The following ATP6V1A variants were observed in gnomAD, a reference collection of about 807,000 sequenced individuals.
ATP6V1A encodes V-type proton ATPase catalytic subunit A.
Under a neutral mutation model 70.1 loss-of-function variants are expected in ATP6V1A, and 18 were observed. That is an observed-to-expected ratio of 0.26 (90% CI 0.18 to 0.38). The LOEUF (loss-of-function observed/expected upper bound fraction) is 0.38, where lower values mean the gene tolerates loss of function less well. Among genes scored for constraint, ATP6V1A ranks in the 10% least tolerant of loss-of-function variants. ATP6V1A has a pLI of 1.00. For missense variants in ATP6V1A, 424 were observed against 772.4 expected (o/e 0.55, Z 5.35); for synonymous variants, 232 against 253.8 (o/e 0.91, Z 0.82).
rs144978817 is a variant in ATP6V1A, at chr3:113,752,699, T to C, written c.-14+5586T>C. ...TTTTAAAAAGCAGAGTAAATCTCAG[T>C]ATATAAGATAATTTACCACATTTCA... On this transcript the variant is annotated intron_variant, in intron 1 of 14. Coordinates refer to ENST00000273398, the MANE Select transcript of ATP6V1A (RefSeq NM_001690.4). Among the ~76,000 whole-genome samples the C allele has an allele frequency of 5.9e-3, 893 of 152,144 alleles. 12 individuals are homozygous for C. The highest frequency in any genetic ancestry group is 0.02 in the African/African-American group (851 of 41,558).
chr3:113,748,154 G>T (rs1259877196), intron 1 of ATP6V1A, among the ~76,000 whole-genome samples: 1 of 152,092 alleles, frequency 6.6e-6, no homozygotes, highest in Non-Finnish European at 1.5e-5. Context: ...AACTCCCGGT[G>T]CCCTCTTCAG....
intron 1 of ATP6V1A, among the ~76,000 whole-genome samples, chr3:113,752,168 T>C (rs1054407630): frequency 6.6e-6 from 1 of 151,914 alleles, no homozygotes; most frequent in Non-Finnish European, 1.5e-5. Flanking sequence ...CTTATTTCAC[T>C]GAAAATAAAA....
At chr3:113,765,898 G>A (rs1708765125) in intron 1 of ATP6V1A, among the ~76,000 whole-genome samples, 2 of 152,070 alleles carry the variant, frequency 1.3e-5, no homozygotes, top group South Asian at 4.1e-4. Context: ...CTGCACTCCA[G>A]CCTGGGTGAT....
intron 11 of ATP6V1A, 66 bp from the exon 12 acceptor site, chr3:113,798,177 C>T (rs555316530): frequency 1.9e-5 from 29 of 1,536,076 alleles, no homozygotes; most frequent in Admixed American, 8.5e-5. Context: ...AAACATGCTT[C>T]GGTATTTTTT....
At chr3:113,761,604 C>T (rs1484958244) in intron 1 of ATP6V1A, among the ~76,000 whole-genome samples, 2 of 151,112 alleles carry the variant, frequency 1.3e-5, no homozygotes, top group Non-Finnish European at 2.9e-5. Flanking sequence ...GGCATGGAGG[C>T]ACATGCCTGT....
intron 5 of ATP6V1A, among the ~76,000 whole-genome samples, chr3:113,785,067 A>G (rs1457137599): frequency 1.3e-5 from 2 of 152,248 alleles, no homozygotes; most frequent in African/African-American, 4.8e-5. Context: ...ATATTAACTG[A>G]TGCTACATTT....
chr3:113,791,489 A>T (rs1709091714), intron 8 of ATP6V1A, among the ~76,000 whole-genome samples: 2 of 141,090 alleles, frequency 1.4e-5, no homozygotes, highest in East Asian at 2.1e-4. Flanking sequence ...CTTTTTCCTT[A>T]TTTTATTTTT....
chr3:113,800,639 AAG>A (rs1490696653), intron 12 of ATP6V1A, among the ~76,000 whole-genome samples: 1 of 152,252 alleles, frequency 6.6e-6, no homozygotes, highest in East Asian at 1.9e-4. Flanking sequence ...TTACGTGGGA[AAG>A]GTAAGACTTT....
At chr3:113,776,124 C>T (rs991033442) in intron 1 of ATP6V1A, among the ~76,000 whole-genome samples, 3 of 152,044 alleles carry the variant, frequency 2.0e-5, no homozygotes, top group African/African-American at 4.8e-5. Context: ...TTTGGGAGGC[C>T]GAGGCAGGCA....
chr3:113,802,346 T>C lies in ATP6V1A; in HGVS notation c.1495-1237T>C, dbSNP rs563872718. On this transcript the variant is annotated intron_variant, in intron 12 of 14. Transcript: ENST00000273398. ...GCTTATTTTTAATTAATTAATTTAT[T>C]TATTTGAGGGAGTCTCACACTGTCG... Among the ~76,000 whole-genome samples, 19 of 152,282 alleles carry C rather than the reference T, an allele frequency of 1.2e-4. No individual in the cohort carries two copies. The South Asian group carries it at 3.7e-3, about 30-fold the overall frequency.
intron 11 of ATP6V1A, among the ~76,000 whole-genome samples, chr3:113,796,753 A>C (rs1037817040): frequency 3.9e-5 from 6 of 152,226 alleles, no homozygotes; most frequent in Admixed American, 6.5e-5. Context: ...CTAAATGTAC[A>C]ACTCTCAAGC....
chr3:113,754,862 T>C (rs576688388), intron 1 of ATP6V1A, among the ~76,000 whole-genome samples: 1 of 152,350 alleles, frequency 6.6e-6, no homozygotes, highest in South Asian at 2.1e-4. Context: ...TTGATTTCTG[T>C]CCTTTTAAAA....
At chr3:113,757,477 A>C (rs769451981) in intron 1 of ATP6V1A, among the ~76,000 whole-genome samples, 1 of 152,258 alleles carries the variant, frequency 6.6e-6, no homozygotes, top group Non-Finnish European at 1.5e-5. Context: ...GTCTTGGACA[A>C]CAAACCCTTC....
chr3:113,803,452 G>T, intron 12 of ATP6V1A, 131 bp from the exon 13 acceptor site: 1 of 687,000 alleles, frequency 1.5e-6, no homozygotes, highest in East Asian at 2.6e-5. Context: ...CAATCAAAAA[G>T]CCGTTATAAG....
chr3:113,809,082 C>G (rs556854430), intron 14 of ATP6V1A, among the ~76,000 whole-genome samples: 38 of 146,010 alleles, frequency 2.6e-4, no homozygotes, highest in Non-Finnish European at 3.0e-4. Flanking sequence ...AAACCTGTCT[C>G]TACTAAAAAT....
intron 12 of ATP6V1A, among the ~76,000 whole-genome samples, chr3:113,798,728 A>G (rs1709179344): frequency 6.6e-6 from 1 of 152,224 alleles, no homozygotes; most frequent in Non-Finnish European, 1.5e-5. Flanking sequence ...ACATTTTTGT[A>G]GGAATGCTAG....
At chr3:113,801,001 A>G (rs1251102433) in intron 12 of ATP6V1A, 2 of 152,056 alleles carry the variant, frequency 1.3e-5, no homozygotes, top group Non-Finnish European at 2.9e-5. Context: ...CAAAAAATAT[A>G]AAAATTAGCT....
At chr3:113,767,212 GC>G (rs1020174893) in intron 1 of ATP6V1A, among the ~76,000 whole-genome samples, 3 of 149,666 alleles carry the variant, frequency 2.0e-5, no homozygotes, top group Non-Finnish European at 4.4e-5. Context: ...CTGCCTCAGC[GC>G]CCCGAGTAGC....
At chr3:113,798,533 C>G in intron 12 of ATP6V1A, 87 bp downstream of exon 12, 1 of 1,119,520 alleles carries the variant, frequency 8.9e-7, no homozygotes, top group Non-Finnish European at 1.2e-6. Flanking sequence ...ATTACAGATT[C>G]TTGCCTAGCA....
Sources: allele counts gnomAD v4.1 joint callset (sites outside exome capture counted in the v4.1 genomes callset), GRCh38; gene constraint gnomAD v4.1.1; transcripts MANE v1.5; gene names NCBI Gene and HGNC (gene_info 2026-07-23, HGNC 2026-07-21).